The following ACSF3 variants were observed in gnomAD, a reference collection of about 807,000 sequenced individuals.
ACSF3 encodes the protein malonate--CoA ligase ACSF3, mitochondrial.
Under a neutral mutation model 53.2 loss-of-function variants are expected in ACSF3, and 78 were observed. The ratio of observed to expected loss-of-function variants is 1.47; its 90% CI spans 1.22 to 1.77. The LOEUF (loss-of-function observed/expected upper bound fraction) is 1.77, where lower values mean the gene tolerates loss of function less well. Among genes scored for constraint, ACSF3 ranks in the 40% most tolerant of loss-of-function variants. The pLI, the probability that ACSF3 is intolerant of heterozygous loss-of-function variation, is 0.00. For synonymous variants in ACSF3, 414 were observed against 333.1 expected (o/e 1.24, Z -2.65); for missense variants, 937 against 771.1 (o/e 1.22, Z -2.55).
At chr16:89,123,950 G>A (rs531845499) in intron 7 of ACSF3, among the ~76,000 whole-genome samples, 1 of 152,086 alleles carries the variant, frequency 6.6e-6, no homozygotes, top group Non-Finnish European at 1.5e-5. Context: ...GATACACGCA[G>A]TGTGCACACG....
intron 3 of ACSF3, chr16:89,102,339 C>T (rs1975442554): frequency 5.7e-6 from 3 of 522,730 alleles, no homozygotes; most frequent in African/African-American, 3.8e-5. Flanking sequence ...CAGAGCCACT[C>T]CCCGACCTTC....
rs1056227915 is a variant in ACSF3 at position 89,129,920 on chromosome 16, G to T, written c.1240-3216G>T. On this transcript the variant is annotated intron_variant, in intron 7 of 10. Coordinates refer to ENST00000614302, the MANE Select transcript of ACSF3 (RefSeq NM_001243279.3). ...CGGTTACTTACCCTCTGCCTTTAGA[G>T]TGTAGTCAGTGTAATACCTGTATTT... Among the ~76,000 whole-genome samples, 7 of 152,320 alleles carry T rather than the reference G, an allele frequency of 4.6e-5. No homozygotes were observed. In the East Asian group the frequency reaches 1.3e-3, roughly 29 times the overall value.
At chr16:89,133,523 C>G (rs1721476189) in intron 8 of ACSF3, among the ~76,000 whole-genome samples, 2 of 152,220 alleles carry the variant, frequency 1.3e-5, no homozygotes, top group South Asian at 4.1e-4. Flanking sequence ...GGCTTCTACA[C>G]TGTCCCTCAG....
In ACSF3 at chr16:89,154,403, G is replaced by T. The variant is rs539487504; in HGVS notation, c.*196G>T. 42 of 686,698 alleles carry T rather than the reference G, an allele frequency of 6.1e-5. No individual in the cohort carries two copies. In the South Asian group the frequency reaches 6.3e-4, roughly 10 times the overall value. The allele number at this position is 686,698 out of a possible 1,614,324, so 42.5% of individuals were successfully genotyped here. On this transcript the variant is annotated 3_prime_UTR_variant, in exon 11 of 11. Coordinates refer to ENST00000614302, the MANE Select transcript of ACSF3 (RefSeq NM_001243279.3). The stretch of plus-strand genomic sequence containing the variant: ...CTCGGGCCAGTTGTTGCAGCTCAAG[G>T]AGACCGTCCCTGGTGTCACCTCTGC...
At chr16:89,138,611 C>A (rs1393978382) in intron 8 of ACSF3, among the ~76,000 whole-genome samples, 1 of 152,246 alleles carries the variant, frequency 6.6e-6, no homozygotes, top group African/African-American at 2.4e-5. Context: ...TGCTGTGAAG[C>A]CCCTCTCTTC....
intron 8 of ACSF3, chr16:89,141,010 A>G: frequency 3.3e-6 from 4 of 1,210,476 alleles, no homozygotes; most frequent in Non-Finnish European, 4.3e-6. Flanking sequence ...GCATTTTGAT[A>G]AATAGGTTGT....
chr16:89,124,787 CAT>C (rs58532880), intron 7 of ACSF3, among the ~76,000 whole-genome samples: 106,125 of 151,736 alleles, frequency 0.7, 37,653 homozygotes, highest in Middle Eastern at 0.77. Context: ...GCGCACACTG[CAT>C]GTGTGTGTGA....
intron 10 of ACSF3, chr16:89,151,346 A>C: frequency 2.5e-6 from 1 of 395,576 alleles, no homozygotes. Context: ...CAGACACAGC[A>C]AAGTAAGTCT....
chr16:89,107,779 G>C (rs549407555), intron 4 of ACSF3, among the ~76,000 whole-genome samples: 1 of 152,192 alleles, frequency 6.6e-6, no homozygotes, highest in African/African-American at 2.4e-5. Context: ...TGGAAACTGC[G>C]GAAGAGTTCT....
rs1904717099 is a variant in ACSF3, at chr16:89,114,487, G to T, written c.1126G>T (p.Gly376Cys). The T allele has an allele frequency of 6.2e-7, 1 of 1,611,250 alleles. No individual in the cohort carries two copies. Among genetic ancestry groups the T allele is most frequent in the Non-Finnish European group, 8.5e-7 (1 of 1,179,998 alleles). The change falls in exon 6 of 11, where the codon GGT becomes TGT. Residue 376 changes from glycine (G) to cysteine (C), a missense_variant and splice_region_variant. Coordinates refer to ENST00000614302, the MANE Select transcript of ACSF3 (RefSeq NM_001243279.3). ...GPLTTAVRLP[G>C]SVGTPLPGVQ... Reference sequence around the variant, plus strand: ...CCTGACCACTGCCGTGCGCCTGCCAGGTACGAGCACTTCCCACAGCTGCGT... The same window carrying T: ...CCTGACCACTGCCGTGCGCCTGCCATGTACGAGCACTTCCCACAGCTGCGT...
At chr16:89,122,241 G>A in intron 7 of ACSF3, 1 of 216,220 alleles carries the variant, frequency 4.6e-6, no homozygotes, top group Admixed American at 5.1e-5. Context: ...GGGCCGCACA[G>A]TGTGTCCCGC....
chr16:89,106,988 G>A (rs936825715), intron 4 of ACSF3, among the ~76,000 whole-genome samples: 2 of 152,214 alleles, frequency 1.3e-5, no homozygotes, highest in African/African-American at 4.8e-5. Context: ...TCAGTCACTC[G>A]TCTCCAACAG....
intron 8 of ACSF3, among the ~76,000 whole-genome samples, chr16:89,142,075 C>T (rs776539501): frequency 2.3e-4 from 35 of 152,040 alleles, no homozygotes; most frequent in Non-Finnish European, 4.0e-4. Flanking sequence ...TGTTGCGCGC[C>T]GACCCCTACG....
intron 7 of ACSF3, among the ~76,000 whole-genome samples, chr16:89,124,280 G>T (rs578006095): frequency 2.6e-5 from 4 of 152,302 alleles, no homozygotes; most frequent in African/African-American, 9.6e-5. Flanking sequence ...CGATGTCATA[G>T]GACGAGGGGG....
chr16:89,107,389 T>A (rs1356156604), intron 4 of ACSF3, among the ~76,000 whole-genome samples: 1 of 152,168 alleles, frequency 6.6e-6, no homozygotes, highest in Non-Finnish European at 1.5e-5. Context: ...ACCATCCTGC[T>A]ACACGCATGC....
At chr16:89,139,288 T>TCC (rs1911259292) in intron 8 of ACSF3, among the ~76,000 whole-genome samples, 1 of 151,990 alleles carries the variant, frequency 6.6e-6, no homozygotes, top group Non-Finnish European at 1.5e-5. Context: ...CCACCACCCC[T>TCC]TCCCTCCTAC....
intron 9 of ACSF3, among the ~76,000 whole-genome samples, 193 bp from the exon 10 acceptor site, chr16:89,145,745 G>T (rs1319194394): frequency 2.0e-5 from 3 of 152,180 alleles, no homozygotes; most frequent in Non-Finnish European, 4.4e-5. Flanking sequence ...CAGATCCACC[G>T]TGGGGAGCCC....
At position 89,114,434 on chromosome 16, in the gene ACSF3, C is replaced by G; in HGVS notation, c.1073C>G (p.Thr358Ser). 1 of 1,613,680 alleles carries G rather than the reference C, an allele frequency of 6.2e-7. No individual in the cohort carries two copies. The highest frequency in any genetic ancestry group is 1.1e-5 in the South Asian group (1 of 91,078). The stretch of plus-strand genomic sequence containing the variant: ...ACCCTGCTGGAGCGGTATGGCATGA[C>G]CGAGATCGGCATGGCTCTGTCCGGG... ...GHTLLERYGM[T>S]EIGMALSGPL... Residue 358 changes from threonine (T) to serine (S), a missense_variant, in exon 6 of 11, where the codon ACC becomes AGC. Physicochemically the swap from Thr to Ser is moderately conservative, Grantham distance 58. Transcript: ENST00000614302.
chr16:89,151,139 G>T (rs1395176921), intron 10 of ACSF3: 7 of 875,118 alleles, frequency 8.0e-6, no homozygotes, highest in African/African-American at 1.7e-5. Context: ...CGGCACGGAG[G>T]GCTGCTGTAT....
Sources: allele counts gnomAD v4.1 joint callset (sites outside exome capture counted in the v4.1 genomes callset), GRCh38; gene constraint gnomAD v4.1.1; transcripts MANE v1.5; gene names NCBI Gene and HGNC (gene_info 2026-07-23, HGNC 2026-07-21).